L3MBTL2: variants seen among roughly 807,000 people sequenced by gnomAD.
L3MBTL2 encodes L3MBTL histone methyl-lysine binding protein 2.
In L3MBTL2, 49 loss-of-function variants were observed where a neutral mutation model predicts 86.4. That is an observed-to-expected ratio of 0.57 (90% CI 0.45 to 0.72). The LOEUF is 0.72. Among genes scored for constraint, L3MBTL2 ranks in the 30% least tolerant of loss-of-function variants. The pLI, the probability that L3MBTL2 is intolerant of heterozygous loss-of-function variation, is 0.00. For synonymous variants in L3MBTL2, 336 were observed against 350.6 expected (o/e 0.96, Z 0.47); for missense variants, 755 against 923.7 (o/e 0.82, Z 2.37).
At chr22:41,217,273 C>A in intron 5 of L3MBTL2, 71 bp downstream of exon 5, 1 of 1,235,384 alleles carries the variant, frequency 8.1e-7, no homozygotes, top group Non-Finnish European at 1.2e-6. Context: ...CCTGCTTCAC[C>A]AGGGCGGCTT....
At chr22:41,219,717 A>C (rs986702961) in intron 6 of L3MBTL2, among the ~76,000 whole-genome samples, 181 bp downstream of exon 6, 19 of 152,096 alleles carry the variant, frequency 1.2e-4, no homozygotes, top group African/African-American at 4.6e-4. Context: ...GCAGGCTTGG[A>C]AACCCCAAAT....
In L3MBTL2 at chr22:41,216,143, A is replaced by G. The variant is rs1382161315; in HGVS notation, c.401A>G (p.Lys134Arg). 6.2e-7 allele frequency: 1 copy of G among 1,613,056 alleles called. No homozygotes were observed. The highest frequency in any genetic ancestry group is 1.7e-5 in the Admixed American group (1 of 59,808). ...KASILARLQG[K>R]PPTKKAKVLH... ...AGCCTCTGTCCTCCTCTCCAGGGAA[A>G]ACCACCGACCAAAAAAGCCAAAGTC... Residue 134 changes from lysine to arginine, a missense_variant, in exon 4 of 17, where the codon AAA (lysine) becomes AGA (arginine). Physicochemically the swap from Lys to Arg is conservative, Grantham distance 26. This residue lies in a region of L3MBTL2 where 18 missense variants were observed against 69.7 expected (regional missense o/e 0.26). Coordinates refer to ENST00000216237, the MANE Select transcript of L3MBTL2 (RefSeq NM_031488.5).
chr22:41,228,847 C>T (rs1438556442), intron 15 of L3MBTL2, among the ~76,000 whole-genome samples: 4 of 118,324 alleles, frequency 3.4e-5, no homozygotes, highest in African/African-American at 7.1e-5. Flanking sequence ...GAAACTCCAT[C>T]GCACAAAAAA....
At chr22:41,228,547 C>T in intron 15 of L3MBTL2, 1 of 985,270 alleles carries the variant, frequency 1.0e-6, no homozygotes, top group Non-Finnish European at 1.2e-6. Flanking sequence ...GTCCCTTGGG[C>T]AGGGTTAAGA....
rs937163158 is a variant in L3MBTL2, at chr22:41,227,365, CTCT to C, written c.1822+47_1822+49del. 3 of 1,525,318 alleles carry C rather than the reference CTCT, an allele frequency of 2.0e-6. No individual in the cohort carries two copies. The highest frequency in any genetic ancestry group is 1.4e-5 in the African/African-American group (1 of 72,424). 94.5% of individuals were successfully genotyped at this position (1,525,318 alleles called of 1,614,324 possible). On this transcript the variant is annotated intron_variant, in intron 14 of 16. Coordinates refer to ENST00000216237, the MANE Select transcript of L3MBTL2 (RefSeq NM_031488.5). The surrounding 1 kb of genome is among the most constrained non-coding windows in gnomAD (Gnocchi z 6.0). Reference sequence around the variant, plus strand: ...CCCTAAGAGGCTCTGACTTTCTTTCCTCTTCTTTTTTCCTTCTTCCCCCGCCCC... The same window carrying C: ...CCCTAAGAGGCTCTGACTTTCTTTCCTCTTTTTTCCTTCTTCCCCCGCCCC...
rs192053428 is a variant in L3MBTL2, at chr22:41,222,907, C to A, written c.943-1113C>A. Among the ~76,000 whole-genome samples, 3 of 150,772 alleles carry A rather than the reference C, an allele frequency of 2.0e-5. No homozygotes were observed. The East Asian group carries it at 5.8e-4, about 29-fold the overall frequency. ...CTGCACTTCAGTCTGGGCCACAGAG[C>A]GAGGAGACTCCATTTCAAAAAAAAA... On this transcript the variant is annotated intron_variant, in intron 8 of 16. Transcript: ENST00000216237.
chr22:41,208,804 C>T (rs190242593), intron 1 of L3MBTL2, among the ~76,000 whole-genome samples: 61 of 152,276 alleles, frequency 4.0e-4, no homozygotes, highest in African/African-American at 1.3e-3. Context: ...AGTGCAGTGG[C>T]GCGATCTTAG....
At chr22:41,206,981 A>G (rs2030273207) in intron 1 of L3MBTL2, among the ~76,000 whole-genome samples, 1 of 152,150 alleles carries the variant, frequency 6.6e-6, no homozygotes, top group Non-Finnish European at 1.5e-5. Flanking sequence ...ACTAGGTTTT[A>G]CATATCTTAT....
Position 41,226,669 on chromosome 22 carries a change from G to A in L3MBTL2, c.1512G>A (p.Glu504=), listed in dbSNP as rs2032203996. 6.2e-7 allele frequency: 1 copy of A among 1,613,088 alleles called. No homozygotes were observed. Among genetic ancestry groups the A allele is most frequent in the African/African-American group, 1.3e-5 (1 of 74,920 alleles). ...DIELTPPKGY[E]AQTFNWENYL... ...AGCTTTCTGCTCCTCCAGGTTATGA[G>A]GCACAGACTTTCAACTGGGAGAACT... Residue 504 remains glutamate, a synonymous_variant, in exon 13 of 17, where the codon GAG becomes GAA. Transcript: ENST00000216237.
rs766430424 is a variant in L3MBTL2 at position 41,227,852 on chromosome 22, AAC to A, written c.1873_1874del (p.Gln625ValfsTer12). 1 of 1,613,666 alleles carries A rather than the reference AAC, an allele frequency of 6.2e-7. No homozygotes were observed. The highest frequency in any genetic ancestry group is 1.3e-5 in the African/African-American group (1 of 75,044). On this transcript the variant is annotated frameshift_variant, in exon 15 of 17. Coordinates refer to ENST00000216237, the MANE Select transcript of L3MBTL2 (RefSeq NM_031488.5). LOFTEE classifies it high-confidence loss of function. This position sits in a 1 kb window ranked among gnomAD's most constrained non-coding sequence, Gnocchi z 6.0. ...AAAGAGGCCACAAAGAAGAAAAAGA[AAC>A]AGTTTGGGAAGAAAAGTAAGTGCTG...
chr22:41,209,589 A>G (rs2145566742), intron 1 of L3MBTL2, 107 bp from the exon 2 acceptor site: 1 of 876,378 alleles, frequency 1.1e-6, no homozygotes, highest in East Asian at 2.4e-5. Flanking sequence ...GGTATTTGAA[A>G]GGTTCCCGAA....
At position 41,230,227 on chromosome 22, in the gene L3MBTL2, C is replaced by T. The variant is rs903829514; in HGVS notation, c.2094C>T (p.Asn698=). ...SSPELPVSVE[N]IKQETDD ...CAGAGCTGCCTGTCTCCGTCGAGAA[C>T]ATCAAGCAGGAAACAGACGACTGAG... The change falls in exon 17 of 17, where the codon AAC becomes AAT. Residue 698 remains asparagine (N), a synonymous_variant. Coordinates refer to ENST00000216237, the MANE Select transcript of L3MBTL2 (RefSeq NM_031488.5). 1 of 1,613,172 alleles carries T rather than the reference C, an allele frequency of 6.2e-7. No individual in the cohort carries two copies. Among genetic ancestry groups the T allele is most frequent in the African/African-American group, 1.3e-5 (1 of 74,934 alleles).
chr22:41,212,847 A>G (rs1739753400), intron 2 of L3MBTL2, among the ~76,000 whole-genome samples: 1 of 150,388 alleles, frequency 6.6e-6, no homozygotes, highest in Non-Finnish European at 1.5e-5. Context: ...ATGAGCCAAG[A>G]TGGCGCCACT....
chr22:41,216,518 T>A (rs919516903), intron 4 of L3MBTL2, among the ~76,000 whole-genome samples: 1 of 152,186 alleles, frequency 6.6e-6, no homozygotes, highest in African/African-American at 2.4e-5. Context: ...GCTGTTTTTG[T>A]TTCTCTTTGC....
In L3MBTL2 at chr22:41,229,585, C is replaced by T. The variant is rs2032436473; in HGVS notation, c.1934C>T (p.Ser645Phe). Residue 645 changes from serine to phenylalanine, a missense_variant, in exon 16 of 17, where the codon TCC (serine) becomes TTC (phenylalanine). Physicochemically the swap from Ser to Phe is radical, Grantham distance 155. This residue lies in a region of L3MBTL2 where 634 missense variants were observed against 748.9 expected (regional missense o/e 0.85). Coordinates refer to ENST00000216237, the MANE Select transcript of L3MBTL2 (RefSeq NM_031488.5). ...PTKTRPLRQG[S>F]KKPLLEDDPQ... ...AAGACGCGACCCCTCAGACAGGGGT[C>T]CAAGAAGCCCCTGCTGGAGGACGAC... 6.2e-7 allele frequency: 1 copy of T among 1,613,462 alleles called. No homozygotes were observed. Among genetic ancestry groups the T allele is most frequent in the Non-Finnish European group, 8.5e-7 (1 of 1,179,666 alleles).
chr22:41,207,225 T>G (rs1206676910), intron 1 of L3MBTL2, among the ~76,000 whole-genome samples: 1 of 140,280 alleles, frequency 7.1e-6, no homozygotes, highest in Non-Finnish European at 1.5e-5. Context: ...CTCTTACTTC[T>G]CCCCCAAATC....
At chr22:41,210,275 A>G (rs7289294) in intron 2 of L3MBTL2, among the ~76,000 whole-genome samples, 63,122 of 150,272 alleles carry the variant, frequency 0.42, 13,876 homozygotes, top group African/African-American at 0.56. Flanking sequence ...TCAGCCTTCC[A>G]AGTAGCTGGG....
rs1848913410 is a variant in L3MBTL2, at chr22:41,224,789, C to T, written c.1239C>T (p.Tyr413=). ...AGATCTACTGTGATGCCGTTCCTTA[C>T]CTCTTCAAGAAGGTGAGGTTCAGCT... ...FRKIYCDAVP[Y]LFKKVRAVYT... is the part of the protein sequence containing the mutation. The change falls in exon 10 of 17, where the codon TAC becomes TAT. Residue 413 remains tyrosine (Y), a synonymous_variant. Transcript: ENST00000216237. The surrounding 1 kb of genome is among the most constrained non-coding windows in gnomAD (Gnocchi z 4.9). 3.1e-6 allele frequency: 5 copies of T among 1,613,654 alleles called. No homozygotes were observed. The highest frequency in any genetic ancestry group is 4.2e-6 in the Non-Finnish European group (5 of 1,179,554).
intron 16 of L3MBTL2, 193 bp downstream of exon 16, chr22:41,229,849 C>A (rs1322356042): frequency 2.1e-6 from 2 of 935,370 alleles, no homozygotes; most frequent in Non-Finnish European, 3.4e-6. Flanking sequence ...GAGCTGAGTC[C>A]CCCTCTAGCC....
Sources: allele counts gnomAD v4.1 joint callset (sites outside exome capture counted in the v4.1 genomes callset), GRCh38; gene constraint gnomAD v4.1.1; regional missense constraint gnomAD v4.1.1; non-coding constraint Gnocchi (gnomAD v3.1); transcripts MANE v1.5; gene names NCBI Gene and HGNC (gene_info 2026-07-23, HGNC 2026-07-21).